PPP2R1B: variants seen among roughly 807,000 people sequenced by gnomAD.
The protein encoded by PPP2R1B is serine/threonine-protein phosphatase 2A 65 kDa regulatory subunit A beta isoform.
In PPP2R1B, 58 loss-of-function variants were observed where a neutral mutation model predicts 72.7. The ratio of observed to expected loss-of-function variants is 0.80; its 90% confidence interval spans 0.65 to 0.99. The LOEUF (loss-of-function observed/expected upper bound fraction) is 0.99, where lower values mean the gene tolerates loss of function less well. Ranked by LOEUF, PPP2R1B falls within the 50% of genes least tolerant of loss-of-function variation. The probability of loss-of-function intolerance (pLI) is 0.00; values close to 1 mark genes in which losing one functional copy is unlikely to be tolerated. For synonymous variants in PPP2R1B, 256 were observed against 264.6 expected (o/e 0.97, Z 0.32); for missense variants, 695 against 733.6 (o/e 0.95, Z 0.61).
At chr11:111,746,664 AG>A (rs1384501963) in intron 11 of PPP2R1B, among the ~76,000 whole-genome samples, 1 of 152,230 alleles carries the variant, frequency 6.6e-6, no homozygotes, top group African/African-American at 2.4e-5. Flanking sequence ...AAAAAAGCAC[AG>A]AATGATTTGC....
the PPP2R1B span, among the ~76,000 whole-genome samples, chr11:111,700,328 G>C: frequency 6.6e-6 from 1 of 152,178 alleles, no homozygotes; most frequent in African/African-American, 2.4e-5. Context: ...ATATGTTAAT[G>C]AGCTATTCAG....
At chr11:111,735,819 A>G (rs1042406635), downstream of PPP2R1B, among the ~76,000 whole-genome samples, 2 of 152,192 alleles carry the variant, frequency 1.3e-5, no homozygotes, top group Non-Finnish European at 2.9e-5. Flanking sequence ...CACCCTAGAC[A>G]GTGAGGGGTT....
intron 11 of PPP2R1B, 87 bp from the exon 12 acceptor site, chr11:111,743,617 A>C: frequency 6.8e-7 from 1 of 1,477,052 alleles, no homozygotes; most frequent in Non-Finnish European, 9.1e-7. Context: ...TCAAATGTGG[A>C]CCAAAAGCAA....
intron 5 of PPP2R1B, among the ~76,000 whole-genome samples, chr11:111,759,344 T>C (rs1021189228): frequency 6.6e-6 from 1 of 152,222 alleles, no homozygotes; most frequent in Admixed American, 6.5e-5. Context: ...CAAAGAGATC[T>C]AGATCTTCAG....
the PPP2R1B span, chr11:111,720,926 A>G: frequency 1.9e-5 from 30 of 1,613,838 alleles, no homozygotes; most frequent in Non-Finnish European, 8.5e-7. Flanking sequence ...CAACATCTTC[A>G]GAATCTGGCT....
chr11:111,736,265 CCT>C (rs1944337619), downstream of PPP2R1B, among the ~76,000 whole-genome samples: 1 of 152,136 alleles, frequency 6.6e-6, no homozygotes, highest in Non-Finnish European at 1.5e-5. Flanking sequence ...CAGCCCGGGC[CCT>C]GTCAGAGCTG....
the PPP2R1B span, among the ~76,000 whole-genome samples, chr11:111,717,241 G>T: frequency 9.5e-3 from 1,425 of 149,840 alleles, 33 homozygotes; most frequent in African/African-American, 0.033. Flanking sequence ...GCGTGAACCT[G>T]GGAGGCAGAG....
intron 10 of PPP2R1B, among the ~76,000 whole-genome samples, chr11:111,748,810 T>C (rs1356090804): frequency 2.6e-5 from 4 of 152,188 alleles, no homozygotes; most frequent in Non-Finnish European, 5.9e-5. Context: ...GGTAATATAA[T>C]GTGTCAGTGC....
downstream of PPP2R1B, among the ~76,000 whole-genome samples, chr11:111,736,224 T>G (rs183449787): frequency 1.4e-3 from 207 of 152,212 alleles, no homozygotes; most frequent in African/African-American, 4.5e-3. Flanking sequence ...TAACGGCAAC[T>G]TATTCTCAGT....
intron 8 of PPP2R1B, among the ~76,000 whole-genome samples, chr11:111,754,102 C>G (rs138771223): frequency 6.6e-6 from 1 of 151,274 alleles, no homozygotes; most frequent in African/African-American, 2.4e-5. Flanking sequence ...TTTTTTGTAG[C>G]AATGGGGTCT....
Position 111,738,117 on chromosome 11 carries a change from G to C in PPP2R1B, c.*3479C>G. The C allele has an allele frequency of 1.0e-6, 1 of 988,038 alleles. No individual in the cohort carries two copies. 61.2% of individuals were successfully genotyped at this position (988,038 alleles called of 1,614,324 possible). On this transcript the variant is annotated 3_prime_UTR_variant, in exon 15 of 15. Coordinates refer to ENST00000527614, the MANE Select transcript of PPP2R1B (RefSeq NM_002716.5). Reference sequence around the variant, plus strand: ...AGAGGAAAGAGGAGAGTAAGGAACTGGATGGAAACAGGAATACTGGAGAAT... The same window carrying C: ...AGAGGAAAGAGGAGAGTAAGGAACTCGATGGAAACAGGAATACTGGAGAAT...
chr11:111,745,233 G>C (rs1317525378), intron 11 of PPP2R1B, among the ~76,000 whole-genome samples: 1 of 151,990 alleles, frequency 6.6e-6, no homozygotes, highest in East Asian at 1.9e-4. Context: ...TGTGTTTTTA[G>C]TAGAGACAGG....
At chr11:111,720,119 T>C in the PPP2R1B span, 5 of 1,008,514 alleles carry the variant, frequency 5.0e-6, no homozygotes, top group African/African-American at 1.6e-5. Context: ...AGCTTATTCC[T>C]TTATGGATTA....
At chr11:111,763,784 G>T (rs2136117421) in intron 3 of PPP2R1B, among the ~76,000 whole-genome samples, 2 of 151,734 alleles carry the variant, frequency 1.3e-5, no homozygotes, top group South Asian at 4.2e-4. Flanking sequence ...TGTTAAGTTT[G>T]AAATACCTGT....
chr11:111,755,211 A>C (rs781875691), intron 6 of PPP2R1B, 84 bp downstream of exon 6: 90 of 1,540,294 alleles, frequency 5.8e-5, no homozygotes, highest in Non-Finnish European at 6.9e-5. Flanking sequence ...CATTGAAAAG[A>C]ATTAATTCAG....
Position 111,747,986 on chromosome 11 carries a change from T to A in PPP2R1B, c.1367A>T (p.Asn456Ile). The A allele has an allele frequency of 6.2e-7, 1 of 1,613,512 alleles. No individual in the cohort carries two copies. Among genetic ancestry groups the A allele is most frequent in the Non-Finnish European group, 8.5e-7 (1 of 1,179,840 alleles). ...CACGAGCCAAGCCATACATAAAGAA[T>A]TCAGCTTTTCATCAAAGAATTCCAC... ...LGVEFFDEKL[N>I]SLCMAWLVDH... Residue 456 changes from asparagine (N) to isoleucine (I), a missense_variant, in exon 11 of 15, where the codon AAT (asparagine) becomes ATT (isoleucine). Coordinates refer to ENST00000527614, the MANE Select transcript of PPP2R1B (RefSeq NM_002716.5).
chr11:111,731,441 G>A (rs949221763), intron 15 of PPP2R1B, among the ~76,000 whole-genome samples: 5 of 152,246 alleles, frequency 3.3e-5, no homozygotes, highest in African/African-American at 1.2e-4. Flanking sequence ...CCAGCTCCAC[G>A]CCCTCAGGGT....
chr11:111,752,425 ACTCAGGTG>A (rs1555048287), intron 9 of PPP2R1B, 93 bp from the exon 10 acceptor site: 1 of 1,280,236 alleles, frequency 7.8e-7, no homozygotes, highest in Non-Finnish European at 1.1e-6. Flanking sequence ...GTGAGGTAAG[ACTCAGGTG>A]AAAAAAAAAT....
At chr11:111,727,002 A>G in exon 16 of PPP2R1B, 1 of 1,614,126 alleles carries the variant, frequency 6.2e-7, no homozygotes, top group Non-Finnish European at 8.5e-7. Flanking sequence ...TAGCTCTGCA[A>G]TTCCCAGCTG....
Sources: gnomAD v4.1 joint callset for allele counts (sites outside exome capture counted in the v4.1 genomes callset) on GRCh38, gnomAD v4.1.1 for gene constraint, MANE v1.5 for transcripts, NCBI Gene and HGNC (gene_info 2026-07-23, HGNC 2026-07-21) for gene names.